UNC5C: variants seen among roughly 807,000 people sequenced by gnomAD.
The protein encoded by UNC5C is netrin receptor UNC5C.
In UNC5C, 47 loss-of-function variants were observed where a neutral mutation model predicts 99.8. That is an observed-to-expected ratio of 0.47 (90% confidence interval 0.37 to 0.60). UNC5C has a LOEUF of 0.60. UNC5C is among the 20% of genes least tolerant of loss of function. UNC5C has a pLI of 0.00. For synonymous variants in UNC5C, 487 were observed against 452.2 expected (o/e 1.08, Z -0.98); for missense variants, 1,062 against 1,165.9 (o/e 0.91, Z 1.30).
At chr4:95,444,156 A>T (rs1747026758) in intron 1 of UNC5C, among the ~76,000 whole-genome samples, 1 of 152,162 alleles carries the variant, frequency 6.6e-6, no homozygotes, top group Admixed American at 6.5e-5. Context: ...ATCTCTGCTA[A>T]TGTGGGGTTC....
chr4:95,311,640 T>C (rs1232727828), intron 2 of UNC5C, among the ~76,000 whole-genome samples: 3 of 152,224 alleles, frequency 2.0e-5, no homozygotes, highest in South Asian at 2.1e-4. Flanking sequence ...TTGTGAATTA[T>C]AGACCTCACT....
At chr4:95,171,903 G>A (rs1398435668) in intron 14 of UNC5C, among the ~76,000 whole-genome samples, 2 of 151,834 alleles carry the variant, frequency 1.3e-5, no homozygotes, top group South Asian at 2.1e-4. Flanking sequence ...AGCACCTGTC[G>A]TTTCCTGACT....
chr4:95,452,528 C>T (rs996507307), intron 1 of UNC5C, among the ~76,000 whole-genome samples: 2 of 152,004 alleles, frequency 1.3e-5, no homozygotes, highest in Non-Finnish European at 2.9e-5. Flanking sequence ...CAGACACTAC[C>T]ATACAAGATA....
chr4:95,175,438 G>T (rs1414077991), intron 14 of UNC5C, among the ~76,000 whole-genome samples: 3 of 151,364 alleles, frequency 2.0e-5, no homozygotes, highest in Non-Finnish European at 4.4e-5. Flanking sequence ...GGGCAGGCCT[G>T]GTGGTGACAA....
At chr4:95,542,583 C>G (rs1722946462) in intron 1 of UNC5C, among the ~76,000 whole-genome samples, 1 of 151,978 alleles carries the variant, frequency 6.6e-6, no homozygotes, top group African/African-American at 2.4e-5. Flanking sequence ...CTGTGTATTT[C>G]AAAATCTCAT....
chr4:95,207,585 A>C (rs1737926957), intron 10 of UNC5C, among the ~76,000 whole-genome samples: 1 of 152,214 alleles, frequency 6.6e-6, no homozygotes, highest in Non-Finnish European at 1.5e-5. Flanking sequence ...CCCAAGTCTC[A>C]CAACTAAGTG....
chr4:95,503,830 G>A (rs151122891), intron 1 of UNC5C, among the ~76,000 whole-genome samples: 281 of 152,082 alleles, frequency 1.8e-3, no homozygotes, highest in Admixed American at 5.0e-3. Flanking sequence ...AGTTAAGACC[G>A]CTTCCATCTG....
intron 3 of UNC5C, among the ~76,000 whole-genome samples, chr4:95,289,171 C>A (rs951369230): frequency 5.9e-5 from 9 of 152,152 alleles, no homozygotes; most frequent in Admixed American, 2.0e-4. Flanking sequence ...CATAAAGAGT[C>A]CTCTGTCAAT....
chr4:95,509,320 G>T (rs1722004539), intron 1 of UNC5C, among the ~76,000 whole-genome samples: 1 of 151,624 alleles, frequency 6.6e-6, no homozygotes, highest in African/African-American at 2.4e-5. Flanking sequence ...ACAGACTAAA[G>T]TTTTGATTCC....
intron 1 of UNC5C, among the ~76,000 whole-genome samples, chr4:95,375,780 T>A (rs2149440192): frequency 6.6e-6 from 1 of 152,300 alleles, no homozygotes; most frequent in South Asian, 2.1e-4. Context: ...AGAATAGTTT[T>A]AAAATATACA....
At chr4:95,287,395 T>C (rs1741274967) in intron 3 of UNC5C, among the ~76,000 whole-genome samples, 2 of 152,192 alleles carry the variant, frequency 1.3e-5, no homozygotes, top group Admixed American at 1.3e-4. Flanking sequence ...TGATGATTAC[T>C]TAGAATAAAA....
Position 95,245,107 on chromosome 4 carries a change from C to T in UNC5C, c.813G>A (p.Val271=), listed in dbSNP as rs760223733. The T allele has an allele frequency of 1.8e-5, 29 of 1,613,782 alleles. No individual in the cohort carries two copies. Among genetic ancestry groups the T allele is most frequent in the Non-Finnish European group, 2.4e-5 (28 of 1,179,964 alleles). ...ACCCTCGTCCACAGCGGCTGTTACA[C>T]ACAGACCACTCCGTCCAGGTGGACC... ...GGWSTWTEWS[V]CNSRCGRGYQ... is the part of the protein sequence containing the mutation. Residue 271 remains valine (V), a synonymous_variant, in exon 6 of 16, where the codon GTG becomes GTA. Coordinates refer to ENST00000453304, the MANE Select transcript of UNC5C (RefSeq NM_003728.4).
intron 7 of UNC5C, among the ~76,000 whole-genome samples, chr4:95,235,557 C>G (rs1248076157): frequency 6.6e-6 from 1 of 152,064 alleles, no homozygotes; most frequent in Non-Finnish European, 1.5e-5. Context: ...AAGTCCTTGC[C>G]CATGCCTATG....
chr4:95,540,207 C>G (rs1722882928), intron 1 of UNC5C, among the ~76,000 whole-genome samples: 1 of 152,056 alleles, frequency 6.6e-6, no homozygotes, highest in African/African-American at 2.4e-5. Flanking sequence ...AAATACTTCC[C>G]AAATTCTTTT....
intron 11 of UNC5C, among the ~76,000 whole-genome samples, chr4:95,204,358 C>T (rs1041969469): frequency 3.3e-5 from 5 of 152,148 alleles, no homozygotes; most frequent in Non-Finnish European, 4.4e-5. Flanking sequence ...CCGAATGCAT[C>T]CTGGGGCAAC....
chr4:95,405,368 A>T (rs1745806098), intron 1 of UNC5C, among the ~76,000 whole-genome samples: 1 of 152,120 alleles, frequency 6.6e-6, no homozygotes, highest in Non-Finnish European at 1.5e-5. Context: ...CACCTCTGTC[A>T]CACGTCTTGT....
intron 1 of UNC5C, among the ~76,000 whole-genome samples, chr4:95,478,035 T>G (rs1720996746): frequency 6.6e-6 from 1 of 152,006 alleles, no homozygotes; most frequent in Non-Finnish European, 1.5e-5. Flanking sequence ...CAAAATGTTA[T>G]GAATATTGTT....
intron 9 of UNC5C, 147 bp downstream of exon 9, chr4:95,218,822 T>C (rs1579240545): frequency 1.4e-6 from 1 of 734,472 alleles, no homozygotes; most frequent in East Asian, 2.7e-5. Context: ...GAAGTAATGT[T>C]CTGTTTACAT....
chr4:95,226,671 T>C (rs1738702820), intron 7 of UNC5C, among the ~76,000 whole-genome samples: 1 of 152,254 alleles, frequency 6.6e-6, no homozygotes, highest in Admixed American at 6.5e-5. Context: ...AAAAGGCTTA[T>C]GCCTGTCCTT....
Sources: gnomAD v4.1 joint callset for allele counts (sites outside exome capture counted in the v4.1 genomes callset) on GRCh38, gnomAD v4.1.1 for gene constraint, MANE v1.5 for transcripts, NCBI Gene and HGNC (gene_info 2026-07-23, HGNC 2026-07-21) for gene names.